The following EML6 variants were observed in gnomAD, a reference collection of about 807,000 sequenced individuals.
The protein encoded by EML6 is echinoderm microtubule-associated protein-like 6.
A neutral mutation model predicts 240.1 loss-of-function variants in EML6; 154 were observed. The observed-to-expected ratio is 0.64, with a 90% CI of 0.56 to 0.73. EML6 has a LOEUF of 0.73. Among genes scored for constraint, EML6 ranks in the 30% least tolerant of loss-of-function variants. The probability of loss-of-function intolerance (pLI) is 0.00; values close to 1 mark genes in which losing one functional copy is unlikely to be tolerated. For missense variants in EML6, 2,964 were observed against 2,474.6 expected, an observed-to-expected ratio of 1.20 and a Z score of -4.20; for synonymous variants, 1,148 against 899.0, an observed-to-expected ratio of 1.28 and a Z score of -4.95.
At chr2:54,826,184 G>T (rs572620422) in intron 5 of EML6, among the ~76,000 whole-genome samples, 1 of 152,170 alleles carries the variant, frequency 6.6e-6, no homozygotes, top group South Asian at 2.1e-4. Context: ...ACTTCTGTTT[G>T]CTTTCCCTCC....
At chr2:54,734,827 T>C (rs893389717) in intron 2 of EML6, among the ~76,000 whole-genome samples, 1 of 152,236 alleles carries the variant, frequency 6.6e-6, no homozygotes, top group East Asian at 1.9e-4. Context: ...TAACATATTT[T>C]GAAAATGAAT....
chr2:54,950,774 C>A lies in EML6; in HGVS notation c.4208C>A (p.Ser1403Tyr), dbSNP rs1285293249. The A allele has an allele frequency of 4.5e-6, 7 of 1,550,142 alleles. No homozygotes were observed. The East Asian group carries it at 1.5e-4, about 32-fold the overall frequency. ...GCGGCTGGCATCGTTCAGAACCTCTCCACAGGTAACCGGGGGTTAAAAAAT... is the reference window on the plus strand; with the variant it reads ...GCGGCTGGCATCGTTCAGAACCTCTACACAGGTAACCGGGGGTTAAAAAAT... Reference protein sequence around the residue: ...TAAAGIVQNLSTGSQSFYLEH... With the variant: ...TAAAGIVQNLYTGSQSFYLEH... The change falls in exon 30 of 42, where the codon TCC (serine) becomes TAC (tyrosine). Residue 1403 changes from serine to tyrosine, a missense_variant. By Grantham distance (144) the Ser-to-Tyr change is moderately radical. Transcript: ENST00000356458.
At chr2:54,856,739 A>G (rs1670403225) in intron 11 of EML6, among the ~76,000 whole-genome samples, 1 of 152,252 alleles carries the variant, frequency 6.6e-6, no homozygotes, top group South Asian at 2.1e-4. Context: ...GGCCACTACT[A>G]GAAATCAGAG....
intron 2 of EML6, among the ~76,000 whole-genome samples, chr2:54,752,641 A>G (rs1316815896): frequency 6.6e-6 from 1 of 152,104 alleles, no homozygotes; most frequent in Non-Finnish European, 1.5e-5. Flanking sequence ...ATTCTTTTTC[A>G]TTGCTGTATA....
chr2:54,862,310 C>T (rs1233568038), intron 12 of EML6, among the ~76,000 whole-genome samples: 1 of 134,320 alleles, frequency 7.4e-6, no homozygotes, highest in East Asian at 2.1e-4. Context: ...CGCACTCCAG[C>T]CTGGGTGACA....
At position 54,958,016 on chromosome 2, in the gene EML6, C is replaced by T. The variant is rs1384218309; in HGVS notation, c.4695+18C>T. The T allele has an allele frequency of 1.3e-6, 2 of 1,539,280 alleles. No individual in the cohort carries two copies. Among genetic ancestry groups the T allele is most frequent in the Admixed American group, 2.0e-5 (1 of 50,586 alleles). ...TCGGTGCTGTGAGTTCTAGCAGATA[C>T]TCCCTGAGAAGGGGACCCAGACCCC... On this transcript the variant is annotated intron_variant, in intron 33 of 41. Coordinates refer to ENST00000356458, the MANE Select transcript of EML6 (RefSeq NM_001039753.4).
At chr2:54,937,543 A>G (rs1350995521) in intron 28 of EML6, among the ~76,000 whole-genome samples, 7 of 133,828 alleles carry the variant, frequency 5.2e-5, no homozygotes, top group African/African-American at 2.0e-4. Context: ...ATAGAGCAAG[A>G]CTCTGTCTTT....
At chr2:54,959,467 G>GT (rs1230525588) in intron 34 of EML6, among the ~76,000 whole-genome samples, 1 of 152,100 alleles carries the variant, frequency 6.6e-6, no homozygotes, top group Non-Finnish European at 1.5e-5. Flanking sequence ...TTTGATGATA[G>GT]TTTAAAAACC....
chr2:54,820,568 C>G, intron 5 of EML6, 106 bp downstream of exon 5: 1 of 675,956 alleles, frequency 1.5e-6, no homozygotes, highest in Non-Finnish European at 2.5e-6. Context: ...CATTTTTTTT[C>G]TTCAATATAG....
chr2:54,761,622 G>C (rs917198025), intron 2 of EML6, among the ~76,000 whole-genome samples: 5 of 152,092 alleles, frequency 3.3e-5, no homozygotes, highest in African/African-American at 1.2e-4. Flanking sequence ...AAACTCTGTG[G>C]ATATAGCTTG....
At position 54,846,684 on chromosome 2, in the gene EML6, A is replaced by G. The variant is rs552211858; in HGVS notation, c.1050-802A>G. Among the ~76,000 whole-genome samples the G allele has an allele frequency of 6.0e-4, 92 of 152,068 alleles. No individual in the cohort carries two copies. The East Asian group carries it at 7.2e-3, about 12-fold the overall frequency. On this transcript the variant is annotated intron_variant, in intron 8 of 41. Transcript: ENST00000356458. Reference sequence around the variant, plus strand: ...TCTTTTTTAGAGATGGAGTCTCACCATGTTGCTCAGGCTGGTCTTGAACTC... The same window carrying G: ...TCTTTTTTAGAGATGGAGTCTCACCGTGTTGCTCAGGCTGGTCTTGAACTC...
intron 2 of EML6, among the ~76,000 whole-genome samples, chr2:54,807,412 G>T (rs1670554770): frequency 6.6e-6 from 1 of 152,204 alleles, no homozygotes; most frequent in African/African-American, 2.4e-5. Context: ...AACAGCTACA[G>T]AGTGACACGC....
intron 10 of EML6, among the ~76,000 whole-genome samples, chr2:54,852,661 TTG>T (rs1327547124): frequency 1.3e-5 from 2 of 152,232 alleles, no homozygotes; most frequent in African/African-American, 4.8e-5. Context: ...TTTTATTTTG[TTG>T]TCTCTTTAAT....
chr2:54,758,318 A>G (rs1241506287), intron 2 of EML6, among the ~76,000 whole-genome samples: 1 of 151,948 alleles, frequency 6.6e-6, no homozygotes, highest in Non-Finnish European at 1.5e-5. Context: ...GTGTAATACT[A>G]TTTCTGGTGG....
At position 54,892,535 on chromosome 2, in the gene EML6, T is replaced by C. The variant is rs1223632371; in HGVS notation, c.2621T>C (p.Met874Thr). The C allele has an allele frequency of 1.3e-6, 2 of 1,551,444 alleles. No individual in the cohort carries two copies. Among genetic ancestry groups the C allele is most frequent in the Non-Finnish European group, 1.7e-6 (2 of 1,146,712 alleles). ...ATGATGTGTGTTTCTTACGGACGAA[T>C]GGAAGATCTAGTGTTCTCAGGAGCA... is the stretch of plus-strand genomic sequence containing the variant. ...ETMMCVSYGRMEDLVFSGAAT... is the reference protein window; with the variant it reads ...ETMMCVSYGRTEDLVFSGAAT... Residue 874 changes from methionine (M) to threonine (T), a missense_variant, in exon 19 of 42, where the codon ATG (methionine) becomes ACG (threonine). Physicochemically the swap from Met to Thr is moderately conservative, Grantham distance 81 (BLOSUM62 -1). Coordinates refer to ENST00000356458, the MANE Select transcript of EML6 (RefSeq NM_001039753.4).
At chr2:54,825,905 T>C (rs1484335652) in intron 5 of EML6, among the ~76,000 whole-genome samples, 2 of 152,324 alleles carry the variant, frequency 1.3e-5, no homozygotes, top group Middle Eastern at 3.4e-3. Context: ...CCCACATGCC[T>C]GCCATGTGGC....
chr2:54,736,410 C>G (rs1287367260), intron 2 of EML6, among the ~76,000 whole-genome samples: 1 of 152,188 alleles, frequency 6.6e-6, no homozygotes, highest in Non-Finnish European at 1.5e-5. Flanking sequence ...CTGTCTCTAA[C>G]CAGACATGTG....
intron 32 of EML6, among the ~76,000 whole-genome samples, chr2:54,957,086 G>A (rs962532213): frequency 1.3e-5 from 2 of 152,092 alleles, no homozygotes; most frequent in Non-Finnish European, 2.9e-5. Flanking sequence ...TATCTGCACT[G>A]CACCTTCTGA....
Position 54,962,683 on chromosome 2 carries a change from C to T in EML6, c.5129C>T (p.Thr1710Ile). The change falls in exon 36 of 42, where the codon ACA (threonine) becomes ATA (isoleucine). Residue 1710 changes from threonine (T) to isoleucine (I), a missense_variant. By Grantham distance (89) the Thr-to-Ile change is moderately conservative. Coordinates refer to ENST00000356458, the MANE Select transcript of EML6 (RefSeq NM_001039753.4). ...TTCATCTCTGCCAGCAACGATGGCACAGCCCGGATCTGGGACCTGGCTGAC... is the reference window on the plus strand; with the variant it reads ...TTCATCTCTGCCAGCAACGATGGCATAGCCCGGATCTGGGACCTGGCTGAC... ...DLFISASNDGTARIWDLADKK... is the reference protein window; with the variant it reads ...DLFISASNDGIARIWDLADKK... The T allele has an allele frequency of 6.6e-7, 1 of 1,505,648 alleles. No individual in the cohort carries two copies. The highest frequency in any genetic ancestry group is 8.9e-7 in the Non-Finnish European group (1 of 1,124,318). The allele number at this position is 1,505,648 out of a possible 1,614,324, so 93.3% of individuals were successfully genotyped here. A position where few individuals can be genotyped will look rare whatever the true frequency, so the allele number is the denominator to read the frequency against.
Sources: gnomAD v4.1 joint callset for allele counts (sites outside exome capture counted in the v4.1 genomes callset) on GRCh38, gnomAD v4.1.1 for gene constraint, MANE v1.5 for transcripts, NCBI Gene and HGNC (gene_info 2026-07-23, HGNC 2026-07-21) for gene names.